MARCHF1: variants seen among roughly 807,000 people sequenced by gnomAD.
MARCHF1 encodes the protein membrane associated ring-CH-type finger 1.
Under a neutral mutation model 54.2 loss-of-function variants are expected in MARCHF1, and 40 were observed. The ratio of observed to expected loss-of-function variants is 0.74; its 90% CI spans 0.57 to 0.96. The LOEUF is 0.96. MARCHF1 is among the 40% of genes least tolerant of loss of function. MARCHF1 has a pLI of 0.00. For missense variants in MARCHF1, 586 were observed against 656.5 expected, an observed-to-expected ratio of 0.89 and a Z score of 1.17; for synonymous variants, 236 against 236.3, an observed-to-expected ratio of 1.00 and a Z score of 0.01.
At chr4:163,645,504 G>T (rs556131753) in intron 5 of MARCHF1, among the ~76,000 whole-genome samples, 1 of 152,234 alleles carries the variant, frequency 6.6e-6, no homozygotes, top group South Asian at 2.1e-4. Context: ...AAGAAATAAA[G>T]TTCCAGCAAC....
intron 3 of MARCHF1, among the ~76,000 whole-genome samples, chr4:163,914,398 T>C (rs950778918): frequency 6.6e-6 from 1 of 152,106 alleles, no homozygotes; most frequent in Non-Finnish European, 1.5e-5. Flanking sequence ...TTCTTAAAAG[T>C]TTTTCATCTT....
intron 1 of MARCHF1, among the ~76,000 whole-genome samples, chr4:164,335,930 C>T (rs976650420): frequency 6.6e-6 from 1 of 152,024 alleles, no homozygotes; most frequent in African/African-American, 2.4e-5. Flanking sequence ...ATCAATCAGG[C>T]AAGCTTAGTA....
At chr4:164,328,019 GC>G (rs974421305) in intron 1 of MARCHF1, among the ~76,000 whole-genome samples, 1 of 152,168 alleles carries the variant, frequency 6.6e-6, no homozygotes, top group African/African-American at 2.4e-5. Flanking sequence ...AAAACCGTGT[GC>G]CATCAGAACC....
At chr4:163,819,186 T>A (rs1356722651) in intron 4 of MARCHF1, among the ~76,000 whole-genome samples, 1 of 152,162 alleles carries the variant, frequency 6.6e-6, no homozygotes, top group Non-Finnish European at 1.5e-5. Context: ...CTATACCATT[T>A]TAAAGACACA....
intron 8 of MARCHF1, among the ~76,000 whole-genome samples, chr4:163,564,467 C>A (rs1739578579): frequency 6.6e-6 from 1 of 152,102 alleles, no homozygotes; most frequent in Admixed American, 6.5e-5. Flanking sequence ...CCATTAAGAC[C>A]CATACAGAAA....
chr4:164,143,553 T>C (rs13128965), intron 1 of MARCHF1, among the ~76,000 whole-genome samples: 27,700 of 150,714 alleles, frequency 0.18, 3,039 homozygotes, highest in Non-Finnish European at 0.26. Context: ...CAACCCAGAA[T>C]TTCATATCCA....
At chr4:163,967,930 T>C (rs1242642160) in intron 3 of MARCHF1, among the ~76,000 whole-genome samples, 1 of 152,142 alleles carries the variant, frequency 6.6e-6, no homozygotes, top group Non-Finnish European at 1.5e-5. Flanking sequence ...CCCACCCACA[T>C]TATGAGTGCA....
chr4:163,617,680 G>C (rs1741558712), intron 5 of MARCHF1, among the ~76,000 whole-genome samples: 1 of 151,902 alleles, frequency 6.6e-6, no homozygotes, highest in Non-Finnish European at 1.5e-5. Context: ...TTTATTCTAT[G>C]TATGGCCATA....
At chr4:164,237,573 T>C (rs913161424) in intron 1 of MARCHF1, among the ~76,000 whole-genome samples, 5 of 152,040 alleles carry the variant, frequency 3.3e-5, no homozygotes, top group East Asian at 1.9e-4. Context: ...GACAGAAATA[T>C]GATCATATCA....
rs1423424243 is a variant in MARCHF1 at position 163,612,952 on chromosome 4, C to T, written c.329G>A (p.Gly110Asp). 2 of 1,534,816 alleles carry T rather than the reference C, an allele frequency of 1.3e-6. No individual in the cohort carries two copies. The highest frequency in any genetic ancestry group is 3.9e-5 in the Admixed American group (2 of 50,876). Residue 110 changes from glycine (G) to aspartate (D), a missense_variant, in exon 7 of 10, where the codon GGT (glycine) becomes GAT (aspartate). Around this residue, in one of 3 missense-constraint regions of MARCHF1, gnomAD observed 387 missense variants for 394.6 expected, o/e 0.98. Transcript: ENST00000514618. ...MVLSPARKES[G>D]KKSVIQRPRR... ...AGGTCTTTGTATTACTGATTTCTTA[C>T]CAGACTCCTTCCTAGCAGGGCTCAG...
chr4:163,797,411 G>A (rs1269315596), intron 4 of MARCHF1, among the ~76,000 whole-genome samples: 3 of 151,736 alleles, frequency 2.0e-5, no homozygotes, highest in African/African-American at 4.8e-5. Flanking sequence ...TCTTGATATG[G>A]AGTTGGTATT....
chr4:163,974,283 C>G (rs1432513134), intron 3 of MARCHF1, among the ~76,000 whole-genome samples: 4 of 152,136 alleles, frequency 2.6e-5, no homozygotes, highest in Non-Finnish European at 4.4e-5. Flanking sequence ...ACAGGTTAGC[C>G]TTGATTGGTG....
chr4:163,575,083 A>G (rs1186160737), intron 8 of MARCHF1, among the ~76,000 whole-genome samples: 3 of 151,886 alleles, frequency 2.0e-5, no homozygotes, highest in African/African-American at 7.3e-5. Flanking sequence ...CGGTGAGAGT[A>G]AGCATCCTTT....
intron 1 of MARCHF1, among the ~76,000 whole-genome samples, chr4:164,210,441 G>T (rs2111115998): frequency 6.6e-6 from 1 of 152,224 alleles, no homozygotes; most frequent in South Asian, 2.1e-4. Context: ...AATAGATATG[G>T]AAGAAAGATC....
chr4:164,211,172 G>C (rs917303157), intron 1 of MARCHF1, among the ~76,000 whole-genome samples: 1 of 151,764 alleles, frequency 6.6e-6, no homozygotes, highest in Non-Finnish European at 1.5e-5. Flanking sequence ...ATAATGCACT[G>C]TGTATTTCAA....
intron 1 of MARCHF1, among the ~76,000 whole-genome samples, chr4:164,119,453 A>G (rs1359529528): frequency 1.3e-5 from 2 of 151,018 alleles, no homozygotes; most frequent in African/African-American, 4.9e-5. Context: ...AAAATAAATG[A>G]GTCAAATATT....
At chr4:164,030,974 A>C (rs1753864592) in intron 2 of MARCHF1, among the ~76,000 whole-genome samples, 1 of 152,222 alleles carries the variant, frequency 6.6e-6, no homozygotes, top group South Asian at 2.1e-4. Context: ...GAGTGGGCTG[A>C]GACAATGGGG....
intron 1 of MARCHF1, among the ~76,000 whole-genome samples, chr4:164,123,667 T>C (rs139052050): frequency 0.012 from 1,770 of 152,276 alleles, 40 homozygotes; most frequent in African/African-American, 0.041. Flanking sequence ...GAACTCATTT[T>C]TGACAAAGAT....
chr4:164,245,085 G>A (rs904964890), intron 1 of MARCHF1, among the ~76,000 whole-genome samples: 9 of 152,082 alleles, frequency 5.9e-5, no homozygotes, highest in African/African-American at 1.9e-4. Flanking sequence ...AGAAAAAGAG[G>A]GAACCCTCCC....
Sources: allele counts gnomAD v4.1 joint callset (sites outside exome capture counted in the v4.1 genomes callset), GRCh38; gene constraint gnomAD v4.1.1; regional missense constraint gnomAD v4.1.1; transcripts MANE v1.5; gene names NCBI Gene and HGNC (gene_info 2026-07-23, HGNC 2026-07-21).